Variants in SAP30 observed in about 807,000 individuals in gnomAD.
SAP30 encodes the protein Sin3A associated protein 30, also known as histone deacetylase complex subunit SAP30.
Under a neutral mutation model 19.6 loss-of-function variants are expected in SAP30, and 13 were observed. That is an observed-to-expected ratio of 0.66 (90% CI 0.43 to 1.05). The LOEUF is 1.05. Among genes scored for constraint, SAP30 ranks in the 50% least tolerant of loss-of-function variants. The pLI, the probability that SAP30 is intolerant of heterozygous loss-of-function variation, is 0.00. For synonymous variants in SAP30, 108 were observed against 122.7 expected (o/e 0.88, Z 0.79); for missense variants, 257 against 292.1 (o/e 0.88, Z 0.88).
chr4:173,373,249 G>A lies in SAP30; in HGVS notation c.316-141G>A, dbSNP rs1025665606. 4.7e-6 allele frequency: 3 copies of A among 635,366 alleles called. No homozygotes were observed. In the East Asian group the frequency reaches 9.7e-5, roughly 21 times the overall value. 39.4% of individuals were successfully genotyped at this position (635,366 alleles called of 1,614,324 possible). On this transcript the variant is annotated intron_variant, in intron 1 of 3. Transcript: ENST00000296504. ...ATGTTTTAGCGTATAGGATTTAAAC[G>A]TATAAATATTCCATTATCTTAACAA...
At chr4:173,374,511 CT>C (rs1486851491) in intron 3 of SAP30, among the ~76,000 whole-genome samples, 1 of 152,168 alleles carries the variant, frequency 6.6e-6, no homozygotes, top group Non-Finnish European at 1.5e-5. Flanking sequence ...AAACTCCTGA[CT>C]TCAAGTGATC....
chr4:173,373,969 C>T lies in SAP30; in HGVS notation c.472C>T (p.Leu158Phe). 1 of 1,594,448 alleles carries T rather than the reference C, an allele frequency of 6.3e-7. No individual in the cohort carries two copies. Among genetic ancestry groups the T allele is most frequent in the Non-Finnish European group, 8.6e-7 (1 of 1,167,860 alleles). ...VDLYQLQVNTLRRYKRHFKLP... is the reference protein window; with the variant it reads ...VDLYQLQVNTFRRYKRHFKLP... ...TTTATACCAATTACAAGTAAATACA[C>T]TTAGGAGATACAAAAGACACTTCAA... Residue 158 changes from leucine (L) to phenylalanine (F), a missense_variant, in exon 3 of 4, where the codon CTT becomes TTT. Coordinates refer to ENST00000296504, the MANE Select transcript of SAP30 (RefSeq NM_003864.4).
chr4:173,371,433 G>A lies in SAP30; in HGVS notation c.251G>A (p.Ser84Asn). 1 of 1,592,566 alleles carries A rather than the reference G, an allele frequency of 6.3e-7. No homozygotes were observed. The highest frequency in any genetic ancestry group is 8.5e-7 in the Non-Finnish European group (1 of 1,176,538). Residue 84 changes from serine to asparagine, a missense_variant, in exon 1 of 4, where the codon AGC becomes AAC. Transcript: ENST00000296504. The surrounding 1 kb of genome is among the most constrained non-coding windows in gnomAD (Gnocchi z 6.4). ...ERCGRAAGNASFSKRIQKSIS... is the reference protein window; with the variant it reads ...ERCGRAAGNANFSKRIQKSIS... ...TGCGGCCGGGCGGCAGGCAACGCCA[G>A]CTTCAGCAAGAGGATCCAGAAGAGC...
chr4:173,371,589 G>T lies in SAP30; in HGVS notation c.315+92G>T. ...CACGGGTTGTCGGCGGGGTCCCCCAGACAACCGCACTGGCTGCAGTGCGGT... is the reference window on the plus strand; with the variant it reads ...CACGGGTTGTCGGCGGGGTCCCCCATACAACCGCACTGGCTGCAGTGCGGT... On this transcript the variant is annotated intron_variant, in intron 1 of 3. Coordinates refer to ENST00000296504, the MANE Select transcript of SAP30 (RefSeq NM_003864.4). This position sits in a 1 kb window ranked among gnomAD's most constrained non-coding sequence, Gnocchi z 6.4. 2.0e-6 allele frequency: 3 copies of T among 1,507,948 alleles called. No homozygotes were observed. The highest frequency in any genetic ancestry group is 1.8e-6 in the Non-Finnish European group (2 of 1,127,024). The allele number at this position is 1,507,948 out of a possible 1,614,324, so 93.4% of individuals were successfully genotyped here.
In SAP30 at chr4:173,374,118, T is replaced by C. The variant is rs534224610; in HGVS notation, c.540+81T>C. On this transcript the variant is annotated intron_variant, in intron 3 of 3. Transcript: ENST00000296504. ...TGCTAATGGAAGTTTTAATGTAGTG[T>C]ATGTAACAGTACATTTTAATTAGAA... The C allele has an allele frequency of 4.6e-6, 3 of 653,386 alleles. No homozygotes were observed. In the South Asian group the frequency reaches 7.0e-5, roughly 15 times the overall value. The allele number at this position is 653,386 out of a possible 1,614,324, so 40.5% of individuals were successfully genotyped here.
In SAP30 at chr4:173,371,244, C is replaced by A; in HGVS notation, c.62C>A (p.Ala21Glu). 7.2e-7 allele frequency: 1 copy of A among 1,389,542 alleles called. No individual in the cohort carries two copies. The highest frequency in any genetic ancestry group is 3.3e-5 in the Admixed American group (1 of 30,306). 86.1% of individuals were successfully genotyped at this position (1,389,542 alleles called of 1,614,324 possible). ...RGGDAAAAVAAVVAAAAAAAS... is the reference protein window; with the variant it reads ...RGGDAAAAVAEVVAAAAAAAS... ...GGGGATGCGGCCGCCGCAGTGGCCG[C>A]AGTGGTCGCTGCCGCGGCCGCCGCC... is the stretch of plus-strand genomic sequence containing the variant. Residue 21 changes from alanine (A) to glutamate (E), a missense_variant, in exon 1 of 4, where the codon GCA becomes GAA. Ala to Glu is a moderately radical substitution (Grantham distance 107). Coordinates refer to ENST00000296504, the MANE Select transcript of SAP30 (RefSeq NM_003864.4). The surrounding 1 kb of genome is among the most constrained non-coding windows in gnomAD (Gnocchi z 6.4).
Position 173,377,288 on chromosome 4 carries a change from G to C in SAP30, c.624G>C (p.Lys208Asn). 1 of 1,608,648 alleles carries C rather than the reference G, an allele frequency of 6.2e-7. No individual in the cohort carries two copies. Among genetic ancestry groups the C allele is most frequent in the Non-Finnish European group, 8.5e-7 (1 of 1,178,006 alleles). Residue 208 changes from lysine to asparagine, a missense_variant, in exon 4 of 4, where the codon AAG (lysine) becomes AAC (asparagine). Physicochemically the swap from Lys to Asn is moderately conservative, Grantham distance 94 (BLOSUM62 0). Coordinates refer to ENST00000296504, the MANE Select transcript of SAP30 (RefSeq NM_003864.4). ...TCATCTACTCAGTGAAGAATGACAA[G>C]AACAAATCAGATCTCAAGGTTGATA... ...TYFIYSVKNDKNKSDLKVDSG... is the reference protein window; with the variant it reads ...TYFIYSVKNDNNKSDLKVDSG...
intron 3 of SAP30, among the ~76,000 whole-genome samples, chr4:173,375,700 G>A (rs187410830): frequency 6.6e-6 from 1 of 152,144 alleles, no homozygotes; most frequent in Non-Finnish European, 1.5e-5. Context: ...AATCAGAAAT[G>A]CAGATATTAG....
rs747497859 is a variant in SAP30, at chr4:173,377,319, G to C, written c.655G>C (p.Val219Leu). 6.2e-7 allele frequency: 1 copy of C among 1,601,358 alleles called. No homozygotes were observed. Among genetic ancestry groups the C allele is most frequent in the Non-Finnish European group, 8.5e-7 (1 of 1,175,886 alleles). ...NKSDLKVDSG[V>L]H is the part of the protein sequence containing the mutation. The stretch of plus-strand genomic sequence containing the variant: ...ATCAGATCTCAAGGTTGATAGTGGT[G>C]TTCACTAGGAGACGTGGAATTGAGA... Residue 219 changes from valine (V) to leucine (L), a missense_variant, in exon 4 of 4, where the codon GTT (valine) becomes CTT (leucine). By Grantham distance (32) the Val-to-Leu change is conservative. Coordinates refer to ENST00000296504, the MANE Select transcript of SAP30 (RefSeq NM_003864.4).
chr4:173,375,907 CCAAACCCTCTTGTGAAGTG>C (rs1739028484), intron 3 of SAP30, among the ~76,000 whole-genome samples: 1 of 152,164 alleles, frequency 6.6e-6, no homozygotes. Flanking sequence ...TCAGAGGAGT[CCAAACCCTCTTGTGAAGTG>C]CACATGTGAG....
At chr4:173,372,856 C>T (rs1738966852) in intron 1 of SAP30, among the ~76,000 whole-genome samples, 1 of 152,186 alleles carries the variant, frequency 6.6e-6, no homozygotes, top group Admixed American at 6.5e-5. Flanking sequence ...GATCTCGGCT[C>T]ACTGCAACCT....
intron 2 of SAP30, 86 bp downstream of exon 2, chr4:173,373,601 T>C: frequency 7.8e-7 from 1 of 1,289,860 alleles, no homozygotes; most frequent in East Asian, 2.5e-5. Context: ...ATCTTTTAAG[T>C]GTTTAAAACA....
In SAP30 at chr4:173,377,491, T is replaced by C; in HGVS notation, c.*164T>C. The C allele has an allele frequency of 1.7e-6, 1 of 580,768 alleles. No individual in the cohort carries two copies. The highest frequency in any genetic ancestry group is 2.8e-6 in the Non-Finnish European group (1 of 354,736). 36.0% of individuals were successfully genotyped at this position (580,768 alleles called of 1,614,324 possible). A position where few individuals can be genotyped will look rare whatever the true frequency, so the allele number is the denominator to read the frequency against. ...GTTGGAAACTCATATAAAATGAGCT[T>C]TCCTAAATTAAATCTATTTTAAATA... On this transcript the variant is annotated 3_prime_UTR_variant, in exon 4 of 4. Coordinates refer to ENST00000296504, the MANE Select transcript of SAP30 (RefSeq NM_003864.4).
Position 173,373,375 on chromosome 4 carries a change from A to G in SAP30, c.316-15A>G. The G allele has an allele frequency of 6.3e-7, 1 of 1,596,398 alleles. No homozygotes were observed. Among genetic ancestry groups the G allele is most frequent in the Non-Finnish European group, 8.5e-7 (1 of 1,172,642 alleles). On this transcript the variant is annotated splice_polypyrimidine_tract_variant and intron_variant, in intron 1 of 3. Coordinates refer to ENST00000296504, the MANE Select transcript of SAP30 (RefSeq NM_003864.4). ...ACTGTAATCATAAGCAGTGTGTAAA[A>G]CTTTTCTGTTTCAGGCAAGGCATCT... is the stretch of plus-strand genomic sequence containing the variant.
intron 3 of SAP30, among the ~76,000 whole-genome samples, 179 bp from the exon 4 acceptor site, chr4:173,377,026 C>G (rs74499129): frequency 2.0e-5 from 3 of 152,012 alleles, no homozygotes; most frequent in Non-Finnish European, 2.9e-5. Context: ...ATCTCTTGTT[C>G]GTAACATTTT....
intron 1 of SAP30, among the ~76,000 whole-genome samples, chr4:173,372,216 G>C (rs1225415440): frequency 6.6e-6 from 1 of 152,192 alleles, no homozygotes; most frequent in Non-Finnish European, 1.5e-5. Context: ...TGCTACTTTT[G>C]GGAGATCTGG....
intron 2 of SAP30, 124 bp from the exon 3 acceptor site, chr4:173,373,815 A>AT (rs1403193961): frequency 2.4e-6 from 1 of 421,024 alleles, no homozygotes; most frequent in African/African-American, 3.2e-5. Context: ...AAATTTTTTA[A>AT]ATTTTTTTTG....
Position 173,373,425 on chromosome 4 carries a change from C to G in SAP30, c.351C>G (p.Asn117Lys). The G allele has an allele frequency of 6.2e-7, 1 of 1,611,420 alleles. No homozygotes were observed. Among genetic ancestry groups the G allele is most frequent in the Non-Finnish European group, 8.5e-7 (1 of 1,178,932 alleles). The change falls in exon 2 of 4, where the codon AAC becomes AAG. Residue 117 changes from asparagine to lysine, a missense_variant. Transcript: ENST00000296504. ...TTTACATATGTGATTATCATAAAAACTTAATTCAGAGTGTTCGAAACAGAA... is the reference window on the plus strand; with the variant it reads ...TTTACATATGTGATTATCATAAAAAGTTAATTCAGAGTGTTCGAAACAGAA... The part of the protein sequence containing the change: ...RHLYICDYHK[N>K]LIQSVRNRRK...
intron 3 of SAP30, among the ~76,000 whole-genome samples, chr4:173,376,173 T>C (rs951938490): frequency 1.3e-5 from 2 of 152,222 alleles, no homozygotes; most frequent in African/African-American, 4.8e-5. Flanking sequence ...AGAAATTTTA[T>C]TTTCTGGAAT....
Sources: allele counts gnomAD v4.1 joint callset (sites outside exome capture counted in the v4.1 genomes callset), GRCh38; gene constraint gnomAD v4.1.1; non-coding constraint Gnocchi (gnomAD v3.1); transcripts MANE v1.5; gene names NCBI Gene and HGNC (gene_info 2026-07-23, HGNC 2026-07-21).